Variants in DYRK1A observed in about 807,000 individuals in gnomAD.
The protein encoded by DYRK1A is dual specificity tyrosine phosphorylation regulated kinase 1A, also known as dual specificity tyrosine-phosphorylation-regulated kinase 1A.
A neutral mutation model predicts 79.7 loss-of-function variants in DYRK1A; 9 were observed. The ratio of observed to expected loss-of-function variants is 0.11; its 90% CI spans 0.07 to 0.20. DYRK1A has a LOEUF of 0.20. DYRK1A is among the 10% of genes least tolerant of loss of function. The pLI is 1.00. For synonymous variants in DYRK1A, 349 were observed against 329.7 expected (o/e 1.06, Z -0.63); for missense variants, 622 against 956.0 (o/e 0.65, Z 4.61).
chr21:37,478,417 A>G (rs2052479929), intron 4 of DYRK1A, 117 bp downstream of exon 4: 1 of 743,246 alleles, frequency 1.3e-6, no homozygotes, highest in Non-Finnish European at 2.1e-6. Context: ...ATTGATGATT[A>G]TTATGAAGAC....
At chr21:37,491,675 A>G (rs1254094431) in intron 7 of DYRK1A, among the ~76,000 whole-genome samples, 1 of 152,244 alleles carries the variant, frequency 6.6e-6, no homozygotes, top group African/African-American at 2.4e-5. Context: ...ATGCCTTCAA[A>G]AAATCAAGAG....
intron 2 of DYRK1A, among the ~76,000 whole-genome samples, chr21:37,444,426 G>T (rs1471559636): frequency 2.0e-5 from 3 of 152,178 alleles, no homozygotes; most frequent in Non-Finnish European, 4.4e-5. Context: ...AGTAAGTCAG[G>T]CACGCATTAA....
At chr21:37,401,514 C>T (rs945031998) in intron 1 of DYRK1A, among the ~76,000 whole-genome samples, 2 of 145,488 alleles carry the variant, frequency 1.4e-5, no homozygotes, top group Non-Finnish European at 3.0e-5. Context: ...CAGAGTTTCG[C>T]TCTTGTTGCC....
intron 1 of DYRK1A, among the ~76,000 whole-genome samples, chr21:37,410,133 C>T (rs1205550066): frequency 1.3e-5 from 2 of 152,062 alleles, no homozygotes; most frequent in Admixed American, 6.6e-5. Flanking sequence ...AGACTGTGTA[C>T]GGCTGTGGAG....
chr21:37,474,383 T>G (rs1437533680), intron 3 of DYRK1A, among the ~76,000 whole-genome samples: 3 of 152,226 alleles, frequency 2.0e-5, no homozygotes, highest in Non-Finnish European at 1.5e-5. Context: ...TTTAAAGATT[T>G]GTGTGATGTA....
intron 1 of DYRK1A, among the ~76,000 whole-genome samples, chr21:37,414,004 T>C (rs2050289887): frequency 1.3e-5 from 2 of 152,136 alleles, no homozygotes; most frequent in African/African-American, 2.4e-5. Flanking sequence ...TTTACGTCTT[T>C]GCAGTGGAGT....
chr21:37,388,122 T>C (rs576015562), intron 1 of DYRK1A, among the ~76,000 whole-genome samples: 1 of 147,914 alleles, frequency 6.8e-6, no homozygotes, highest in Non-Finnish European at 1.5e-5. Context: ...TTTTTTTTTT[T>C]ACTCTTGCCC....
chr21:37,428,692 G>A (rs890732856), intron 2 of DYRK1A, among the ~76,000 whole-genome samples: 2 of 152,036 alleles, frequency 1.3e-5, no homozygotes, highest in Non-Finnish European at 2.9e-5. Context: ...TATAGATTTG[G>A]CCATTGTTTA....
chr21:37,403,044 C>G (rs1346427899), intron 1 of DYRK1A, among the ~76,000 whole-genome samples: 1 of 152,084 alleles, frequency 6.6e-6, no homozygotes, highest in Non-Finnish European at 1.5e-5. Context: ...GGATTACAAG[C>G]GTGAGCCACT....
At position 37,512,963 on chromosome 21, in the gene DYRK1A, T is replaced by TG. The variant is rs1378620897; in HGVS notation, c.*432_*433insG. Reference sequence around the variant, plus strand: ...TTTTTGTCCCCCCCATCCCCCTTTTTTTTTGTTTTGTTCTGTTTTGTTTTG... The same window carrying TG: ...TTTTTGTCCCCCCCATCCCCCTTTTTGTTTTGTTTTGTTCTGTTTTGTTTTG... On this transcript the variant is annotated 3_prime_UTR_variant, in exon 12 of 12. Coordinates refer to ENST00000647188, the MANE Select transcript of DYRK1A (RefSeq NM_001347721.2). The TG allele has an allele frequency of 6.2e-6, 1 of 161,912 alleles. No individual in the cohort carries two copies. The highest frequency in any genetic ancestry group is 1.4e-5 in the Non-Finnish European group (1 of 73,860). The allele number at this position is 161,912 out of a possible 1,614,324, so 10.0% of individuals were successfully genotyped here. A position where few individuals can be genotyped will look rare whatever the true frequency, so the allele number is the denominator to read the frequency against.
intron 6 of DYRK1A, chr21:37,487,661 C>T (rs1366175615): frequency 1.3e-5 from 2 of 152,030 alleles, no homozygotes; most frequent in African/African-American, 4.8e-5. Context: ...TTCTTTGGTC[C>T]ACCCCAAAAA....
rs138218680 is a variant in DYRK1A, at chr21:37,508,955, A to G, written c.1644+2732A>G. On this transcript the variant is annotated intron_variant, in intron 11 of 11. Transcript: ENST00000647188. ...TTCTTCCAGATCTATTCCATACCGC[A>G]AACACATACAAGAGTAGCATAAGAC... 2.4e-4 allele frequency among the ~76,000 whole-genome samples: 36 copies of G among 152,288 alleles called. No individual in the cohort carries two copies. The East Asian group carries it at 4.4e-3, about 19-fold the overall frequency.
intron 2 of DYRK1A, among the ~76,000 whole-genome samples, chr21:37,457,081 T>G (rs895831417): frequency 6.7e-6 from 1 of 149,242 alleles, no homozygotes; most frequent in Non-Finnish European, 1.5e-5. Context: ...TATTTATTTA[T>G]TTAGTAGAGA....
rs147702851 is a variant in DYRK1A, at chr21:37,454,333, A to T, written c.11-18351A>T. On this transcript the variant is annotated intron_variant, in intron 2 of 11. Transcript: ENST00000647188. ...GTCTTTTAACTCCTGGGCTCAAACC[A>T]TCCTTCTGCCTCGGCCTCCCAAAGT... 1.4e-3 allele frequency among the ~76,000 whole-genome samples: 216 copies of T among 152,144 alleles called. 2 individuals are homozygous for T. Among genetic ancestry groups the T allele is most frequent in the Middle Eastern group, 0.01 (3 of 294 alleles).
chr21:37,408,477 C>CT (rs1289290239), intron 1 of DYRK1A, among the ~76,000 whole-genome samples: 1 of 152,188 alleles, frequency 6.6e-6, no homozygotes, highest in Non-Finnish European at 1.5e-5. Context: ...AAAAATACTC[C>CT]TTTTAGAAAA....
At chr21:37,425,211 C>T (rs1284788745) in intron 2 of DYRK1A, among the ~76,000 whole-genome samples, 1 of 152,176 alleles carries the variant, frequency 6.6e-6, no homozygotes, top group Admixed American at 6.5e-5. Flanking sequence ...TTTGTGTGCC[C>T]TGTGACTGTC....
chr21:37,479,704 C>T (rs377359168), intron 4 of DYRK1A, among the ~76,000 whole-genome samples: 33 of 144,940 alleles, frequency 2.3e-4, no homozygotes, highest in African/African-American at 6.1e-4. Context: ...CTCGGCTCAC[C>T]GCAACCTCCG....
At chr21:37,488,771 AT>A (rs2052968370) in intron 6 of DYRK1A, 1 of 985,410 alleles carries the variant, frequency 1.0e-6, no homozygotes. Flanking sequence ...TTATAATCAC[AT>A]TAGAATTCTG....
intron 1 of DYRK1A, among the ~76,000 whole-genome samples, chr21:37,390,556 C>T (rs1056404875): frequency 3.3e-5 from 5 of 152,104 alleles, no homozygotes; most frequent in African/African-American, 7.2e-5. Context: ...GGATCATTTA[C>T]ACATTTTGTC....
Sources: allele counts gnomAD v4.1 joint callset (sites outside exome capture counted in the v4.1 genomes callset), GRCh38; gene constraint gnomAD v4.1.1; transcripts MANE v1.5; gene names NCBI Gene and HGNC (gene_info 2026-07-23, HGNC 2026-07-21).